EXD3: variants seen among roughly 807,000 people sequenced by gnomAD.
EXD3 encodes the protein exonuclease 3'-5' domain containing 3, also known as exonuclease mut-7 homolog.
EXD3 carries 92 observed loss-of-function variants against 98.0 expected under a neutral mutation model. That is an observed-to-expected ratio of 0.94 (90% CI 0.79 to 1.12). The LOEUF (loss-of-function observed/expected upper bound fraction) is 1.12. Among genes scored for constraint, EXD3 ranks in the 50% most tolerant of loss-of-function variants. The pLI is 0.00. For synonymous variants in EXD3, 569 were observed against 526.0 expected (o/e 1.08, Z -1.12); for missense variants, 1,222 against 1,191.6 (o/e 1.03, Z -0.38).
At chr9:137,411,636 C>T (rs897245322) in intron 1 of EXD3, among the ~76,000 whole-genome samples, 11 of 150,794 alleles carry the variant, frequency 7.3e-5, no homozygotes, top group Non-Finnish European at 1.0e-4. Context: ...GTCTCTCCAT[C>T]GGTGCCACAG....
chr9:137,329,978 G>GGGACTACACA (rs1282775429), intron 17 of EXD3, among the ~76,000 whole-genome samples: 94 of 7,250 alleles, frequency 0.013, 22 homozygotes, highest in South Asian at 0.025. Context: ...GGAGCTACAC[G>GGGACTACACA]GGACTACACA....
At chr9:137,351,005 C>A (rs375544216) in intron 14 of EXD3, 33 bp downstream of exon 14, 1 of 1,536,866 alleles carries the variant, frequency 6.5e-7, no homozygotes, top group Non-Finnish European at 8.8e-7. Flanking sequence ...CAGGCCCACC[C>A]GGCATCTTGT....
At chr9:137,398,065 GTCA>G (rs1837296700) in intron 1 of EXD3, among the ~76,000 whole-genome samples, 1 of 152,268 alleles carries the variant, frequency 6.6e-6, no homozygotes, top group African/African-American at 2.4e-5. Context: ...AATAAAAAGT[GTCA>G]TCACTGAAAT....
At chr9:137,376,177 T>C (rs1835888871) in intron 3 of EXD3, among the ~76,000 whole-genome samples, 1 of 151,478 alleles carries the variant, frequency 6.6e-6, no homozygotes, top group South Asian at 2.1e-4. Flanking sequence ...ACCTCGTCTC[T>C]ACTAAAAATA....
chr9:137,341,935 G>A (rs540322111), intron 17 of EXD3, among the ~76,000 whole-genome samples: 41 of 16,578 alleles, frequency 2.5e-3, no homozygotes, highest in African/African-American at 9.4e-3. Context: ...ACCAGGAGCC[G>A]TCTCCCAGGA....
At chr9:137,316,264 A>G (rs983818349) in intron 19 of EXD3, among the ~76,000 whole-genome samples, 3 of 151,760 alleles carry the variant, frequency 2.0e-5, no homozygotes, top group African/African-American at 4.8e-5. Context: ...ACGGCCACTC[A>G]GGGCGCCCGG....
chr9:137,372,108 A>G (rs996481944), intron 5 of EXD3, among the ~76,000 whole-genome samples: 4 of 152,108 alleles, frequency 2.6e-5, no homozygotes, highest in African/African-American at 4.8e-5. Context: ...AGCTCCACCA[A>G]TTCTCATCCA....
At position 137,349,654 on chromosome 9, in the gene EXD3, C is replaced by A. The variant is rs1834152409; in HGVS notation, c.1495-123G>T. 3 of 1,058,536 alleles carry A rather than the reference C, an allele frequency of 2.8e-6. No homozygotes were observed. The highest frequency in any genetic ancestry group is 3.7e-5 in the South Asian group (2 of 54,168). The allele number at this position is 1,058,536 out of a possible 1,614,324, so 65.6% of individuals were successfully genotyped here. A position where few individuals can be genotyped will look rare whatever the true frequency, so the allele number is the denominator to read the frequency against. On this transcript the variant is annotated intron_variant, in intron 14 of 21. Transcript: ENST00000340951. This position sits in a 1 kb window ranked among gnomAD's most constrained non-coding sequence, Gnocchi z 7.4. ...GCCCCGCCCCCTCCACCAGCGGCCC[C>A]CACAGCAGAGACGGGGAGAAGGAGC...
chr9:137,323,668 C>G, intron 19 of EXD3, 57 bp downstream of exon 19: 1 of 1,588,442 alleles, frequency 6.3e-7, no homozygotes, highest in Non-Finnish European at 8.6e-7. Context: ...CCCTGGACAC[C>G]CCCGTAGCTC....
intron 19 of EXD3, among the ~76,000 whole-genome samples, chr9:137,321,129 C>A (rs754056163): frequency 7.9e-5 from 12 of 152,256 alleles, no homozygotes; most frequent in African/African-American, 2.9e-4. Context: ...GCTGCAGATC[C>A]GAGCCGAGCC....
chr9:137,363,148 T>C (rs757455113), intron 7 of EXD3, among the ~76,000 whole-genome samples: 7 of 152,044 alleles, frequency 4.6e-5, no homozygotes, highest in Non-Finnish European at 8.8e-5. Context: ...TTAGTTGACT[T>C]GATTGCTAAT....
chr9:137,381,971 G>A (rs543150436), intron 3 of EXD3, among the ~76,000 whole-genome samples: 4 of 151,620 alleles, frequency 2.6e-5, no homozygotes, highest in Non-Finnish European at 5.9e-5. Flanking sequence ...CAGGGAGGAG[G>A]TGGGAGCACG....
At chr9:137,323,668 C>T in intron 19 of EXD3, 57 bp downstream of exon 19, 6 of 1,588,442 alleles carry the variant, frequency 3.8e-6, no homozygotes, top group Non-Finnish European at 5.1e-6. Context: ...CCCTGGACAC[C>T]CCCGTAGCTC....
At chr9:137,351,810 G>C (rs763970542) in intron 12 of EXD3, among the ~76,000 whole-genome samples, 4 of 152,232 alleles carry the variant, frequency 2.6e-5, no homozygotes, top group Non-Finnish European at 5.9e-5. Flanking sequence ...CCCACGTCTC[G>C]GGCACCATCT....
At chr9:137,406,225 AAAAGAAAAGAAAG>A (rs1220890807) in intron 1 of EXD3, among the ~76,000 whole-genome samples, 14 of 151,976 alleles carry the variant, frequency 9.2e-5, no homozygotes, top group African/African-American at 1.4e-4. Context: ...CCAAAAAAGA[AAAAGAAAAGAAAG>A]AAAAGAAAAG....
chr9:137,322,476 C>T (rs1158299190), intron 19 of EXD3, among the ~76,000 whole-genome samples: 4 of 134,516 alleles, frequency 3.0e-5, no homozygotes, highest in African/African-American at 8.5e-5. Flanking sequence ...CGACACCTCA[C>T]CCCGGACCAC....
At chr9:137,321,438 T>G (rs1832026675) in intron 19 of EXD3, among the ~76,000 whole-genome samples, 1 of 152,166 alleles carries the variant, frequency 6.6e-6, no homozygotes, top group South Asian at 2.1e-4. Context: ...ATCCCAGCAC[T>G]TTGGGAGGCT....
chr9:137,330,918 A>G (rs1045387343), intron 17 of EXD3, among the ~76,000 whole-genome samples: 1 of 152,220 alleles, frequency 6.6e-6, no homozygotes, highest in Non-Finnish European at 1.5e-5. Flanking sequence ...ACCATAAAAC[A>G]AACATGATAA....
In EXD3 at chr9:137,349,269, G is replaced by A. The variant is rs1472543877; in HGVS notation, c.1671C>T (p.Tyr557=). ...GGGCTTGGTGCACCTCCAGCAGGCA[G>A]TAGGCGTCGGCAGCTGTGTGGGGAG... ...EQVIYAAADA[Y]CLLEVHQALC... The change falls in exon 16 of 22, where the codon TAC becomes TAT. Residue 557 remains tyrosine, a synonymous_variant. Coordinates refer to ENST00000340951, the MANE Select transcript of EXD3 (RefSeq NM_017820.5). This position sits in a 1 kb window ranked among gnomAD's most constrained non-coding sequence, Gnocchi z 7.4. 1.9e-6 allele frequency: 3 copies of A among 1,566,914 alleles called. No homozygotes were observed. Among genetic ancestry groups the A allele is most frequent in the Non-Finnish European group, 2.6e-6 (3 of 1,162,932 alleles).
Sources: allele counts gnomAD v4.1 joint callset (sites outside exome capture counted in the v4.1 genomes callset), GRCh38; gene constraint gnomAD v4.1.1; non-coding constraint Gnocchi (gnomAD v3.1); transcripts MANE v1.5; gene names NCBI Gene and HGNC (gene_info 2026-07-23, HGNC 2026-07-21).